PFKFB4: variants seen among roughly 807,000 people sequenced by gnomAD.
The protein encoded by PFKFB4 is 6-phosphofructo-2-kinase/fructose-2,6-bisphosphatase 4.
PFKFB4 carries 42 observed loss-of-function variants against 62.8 expected under a neutral mutation model. That is an observed-to-expected ratio of 0.67 (90% CI 0.52 to 0.86). The LOEUF (loss-of-function observed/expected upper bound fraction) is 0.86, where lower values mean the gene tolerates loss of function less well. PFKFB4 is among the 40% of genes least tolerant of loss of function. The pLI is 0.00. For synonymous variants in PFKFB4, 204 were observed against 240.7 expected, an observed-to-expected ratio of 0.85 and a Z score of 1.41; for missense variants, 475 against 627.2, an observed-to-expected ratio of 0.76 and a Z score of 2.59.
At chr3:48,542,606 C>T (rs985105418) in intron 4 of PFKFB4, among the ~76,000 whole-genome samples, 1 of 151,934 alleles carries the variant, frequency 6.6e-6, no homozygotes, top group African/African-American at 2.4e-5. Context: ...CAAACCACAT[C>T]ACCTTGAAGA....
chr3:48,556,972 G>T (rs1332327307), upstream of PFKFB4: 12 of 1,391,000 alleles, frequency 8.6e-6, no homozygotes, highest in East Asian at 2.9e-4. The surrounding 1 kb of genome is among the most constrained non-coding windows in gnomAD (Gnocchi z 5.7). Context: ...GACCACGCAT[G>T]CCCAACTCAC....
upstream of PFKFB4, chr3:48,556,861 G>GC: frequency 6.8e-7 from 1 of 1,470,790 alleles, no homozygotes; most frequent in Non-Finnish European, 9.0e-7. The surrounding 1 kb of genome is among the most constrained non-coding windows in gnomAD (Gnocchi z 5.7). Flanking sequence ...CGCCCCTTGG[G>GC]CCCCGCCCCT....
At chr3:48,533,725 GTGCCTATA>G (rs553272899) in intron 9 of PFKFB4, among the ~76,000 whole-genome samples, 1 of 152,208 alleles carries the variant, frequency 6.6e-6, no homozygotes, top group Non-Finnish European at 1.5e-5. Context: ...GTGGTGGCGG[GTGCCTATA>G]ATCCCAGCTA....
chr3:48,534,918 C>T (rs1310725037), intron 9 of PFKFB4, among the ~76,000 whole-genome samples: 2 of 151,936 alleles, frequency 1.3e-5, no homozygotes, highest in Non-Finnish European at 2.9e-5. Context: ...AAGCAATTCT[C>T]CTGCCTCAGC....
chr3:48,540,642 C>A (rs571971558), intron 4 of PFKFB4, among the ~76,000 whole-genome samples: 2 of 152,292 alleles, frequency 1.3e-5, no homozygotes, highest in East Asian at 3.9e-4. Context: ...CAGGGTCTCA[C>A]TCTGTCGCCC....
chr3:48,550,060 C>G, intron 2 of PFKFB4, 58 bp downstream of exon 2: 4 of 1,443,136 alleles, frequency 2.8e-6, no homozygotes, highest in Non-Finnish European at 3.9e-6. Context: ...TAGGCCTTCT[C>G]TATTCTCTTC....
upstream of PFKFB4, chr3:48,556,896 T>C: frequency 7.0e-7 from 1 of 1,431,674 alleles, no homozygotes; most frequent in East Asian, 2.9e-5. This position sits in a 1 kb window ranked among gnomAD's most constrained non-coding sequence, Gnocchi z 5.7. Context: ...AGCCCATGTC[T>C]ATCTTCCCGC....
At chr3:48,561,204 C>G (rs1279255326), upstream of PFKFB4, 4 of 631,222 alleles carry the variant, frequency 6.3e-6, no homozygotes, top group Non-Finnish European at 9.1e-6. This position sits in a 1 kb window ranked among gnomAD's most constrained non-coding sequence, Gnocchi z 5.2. Flanking sequence ...AGAAGCGACT[C>G]CTGCGGCTCC....
At chr3:48,535,432 A>C in intron 9 of PFKFB4, 80 bp downstream of exon 9, 1 of 1,263,310 alleles carries the variant, frequency 7.9e-7, no homozygotes, top group Non-Finnish European at 1.1e-6. Flanking sequence ...CAAGGGGAGC[A>C]ATGGTCACTG....
At chr3:48,534,869 C>G (rs2042542738) in intron 9 of PFKFB4, among the ~76,000 whole-genome samples, 1 of 151,492 alleles carries the variant, frequency 6.6e-6, no homozygotes, top group Admixed American at 6.6e-5. Context: ...AGTGCAGTGG[C>G]ACAATCTCAG....
chr3:48,552,914 A>G (rs1165491146), intron 1 of PFKFB4, among the ~76,000 whole-genome samples: 1 of 152,152 alleles, frequency 6.6e-6, no homozygotes, highest in Non-Finnish European at 1.5e-5. Context: ...GCAATAAATT[A>G]CCTATCTCCT....
In PFKFB4 at chr3:48,522,150, G is replaced by A. The variant is rs2042116613; in HGVS notation, c.1286-100C>T. The stretch of plus-strand genomic sequence containing the variant: ...GGAGGGGGGTCTGGGCGTGTGGAAT[G>A]GAGCAGCCATCTCAGCCTCACTCTA... On this transcript the variant is annotated intron_variant, in intron 12 of 13. Transcript: ENST00000232375. 5.7e-6 allele frequency: 6 copies of A among 1,043,540 alleles called. No individual in the cohort carries two copies. In the South Asian group the frequency reaches 7.8e-5, roughly 13 times the overall value. The allele number at this position is 1,043,540 out of a possible 1,614,324, so 64.6% of individuals were successfully genotyped here.
chr3:48,549,855 T>C lies in PFKFB4; in HGVS notation c.311+9A>G. On this transcript the variant is annotated intron_variant, in intron 3 of 13. Coordinates refer to ENST00000232375, the MANE Select transcript of PFKFB4 (RefSeq NM_004567.4). ...AACCTCTCCCCCCACACCCAACACA[T>C]ATACTTACTTCCTGATTTTCAGGCC... 2 of 1,557,080 alleles carry C rather than the reference T, an allele frequency of 1.3e-6. No homozygotes were observed. The highest frequency in any genetic ancestry group is 1.8e-6 in the Non-Finnish European group (2 of 1,127,962).
At chr3:48,531,442 T>C (rs930150802) in intron 9 of PFKFB4, among the ~76,000 whole-genome samples, 25 of 151,054 alleles carry the variant, frequency 1.7e-4, no homozygotes, top group African/African-American at 6.1e-4. Flanking sequence ...AATTTTTTTT[T>C]TTTTTTTTTA....
chr3:48,542,094 C>A (rs958680514), intron 4 of PFKFB4, among the ~76,000 whole-genome samples: 1 of 152,140 alleles, frequency 6.6e-6, no homozygotes, highest in Admixed American at 6.5e-5. Context: ...CGCCTGTAAT[C>A]CCAGCACTGT....
intron 3 of PFKFB4, among the ~76,000 whole-genome samples, chr3:48,548,981 G>T (rs2043047387): frequency 6.6e-6 from 1 of 152,184 alleles, no homozygotes. Flanking sequence ...GGTAGCCACT[G>T]GGCTTGATTT....
chr3:48,531,883 A>T (rs1467996917), intron 9 of PFKFB4, among the ~76,000 whole-genome samples: 1 of 152,208 alleles, frequency 6.6e-6, no homozygotes, highest in African/African-American at 2.4e-5. Flanking sequence ...GGCTACTATT[A>T]AAAAAAGAAA....
intron 10 of PFKFB4, among the ~76,000 whole-genome samples, chr3:48,524,310 T>A (rs1010654649): frequency 1.3e-5 from 2 of 152,202 alleles, no homozygotes; most frequent in African/African-American, 4.8e-5. Flanking sequence ...ATCTTCCCCC[T>A]ATGCCTGCCG....
At chr3:48,527,015 G>A (rs925040323) in intron 9 of PFKFB4, among the ~76,000 whole-genome samples, 1 of 151,938 alleles carries the variant, frequency 6.6e-6, no homozygotes, top group Non-Finnish European at 1.5e-5. Context: ...TGTGATGACC[G>A]TGGACAGAGG....
Sources: gnomAD v4.1 joint callset for allele counts (sites outside exome capture counted in the v4.1 genomes callset) on GRCh38, gnomAD v4.1.1 for gene constraint, Gnocchi (gnomAD v3.1) non-coding constraint, MANE v1.5 for transcripts, NCBI Gene and HGNC (gene_info 2026-07-23, HGNC 2026-07-21) for gene names.